FOXP2: variants seen among roughly 807,000 people sequenced by gnomAD.
FOXP2 encodes the protein forkhead box protein P2.
FOXP2 carries 12 observed loss-of-function variants against 115.8 expected under a neutral mutation model. The observed-to-expected ratio is 0.10, with a 90% CI of 0.07 to 0.17. FOXP2 has a LOEUF of 0.17. Among genes scored for constraint, FOXP2 ranks in the 10% least tolerant of loss-of-function variants. FOXP2 has a pLI of 1.00. For missense variants in FOXP2, 629 were observed against 843.5 expected, an observed-to-expected ratio of 0.75 and a Z score of 3.15; for synonymous variants, 328 against 297.7, an observed-to-expected ratio of 1.10 and a Z score of -1.05.
At chr7:114,640,637 T>C (rs1479873074) in intron 6 of FOXP2, among the ~76,000 whole-genome samples, 1 of 152,178 alleles carries the variant, frequency 6.6e-6, no homozygotes, top group Non-Finnish European at 1.5e-5. Flanking sequence ...CTCACCATCA[T>C]ATTCTGTTAT....
At chr7:114,132,582 T>TGTGTGTGAGA (rs1554419465) in intron 1 of FOXP2, among the ~76,000 whole-genome samples, 8 of 55,996 alleles carry the variant, frequency 1.4e-4, no homozygotes, top group African/African-American at 6.3e-4. Context: ...TGTGTGTGTG[T>TGTGTGTGAGA]GAGAGAGAGA....
chr7:114,506,519 C>G (rs1797826186), intron 2 of FOXP2, among the ~76,000 whole-genome samples: 1 of 151,518 alleles, frequency 6.6e-6, no homozygotes, highest in Non-Finnish European at 1.5e-5. Flanking sequence ...GTATTAATCA[C>G]TTTCATGTCA....
chr7:114,539,430 G>A (rs904446205), intron 3 of FOXP2, among the ~76,000 whole-genome samples: 1 of 151,568 alleles, frequency 6.6e-6, no homozygotes, highest in Non-Finnish European at 1.5e-5. Context: ...ATTGAGATAC[G>A]GGTTTAAATA....
chr7:114,249,370 G>A (rs565487502), intron 1 of FOXP2, among the ~76,000 whole-genome samples: 9 of 150,744 alleles, frequency 6.0e-5, no homozygotes, highest in Admixed American at 1.3e-4. Flanking sequence ...CTTCCCCCCC[G>A]TTCCCCCCAG....
At chr7:114,457,722 C>A (rs1424904840) in intron 2 of FOXP2, among the ~76,000 whole-genome samples, 1 of 151,914 alleles carries the variant, frequency 6.6e-6, no homozygotes, top group African/African-American at 2.4e-5. Context: ...CATGGTGAAA[C>A]CCCGTCTCTA....
chr7:114,641,072 A>G (rs1359182354), intron 6 of FOXP2, among the ~76,000 whole-genome samples: 1 of 152,208 alleles, frequency 6.6e-6, no homozygotes, highest in Admixed American at 6.5e-5. Flanking sequence ...TAGCAAATAT[A>G]CTCAAGCCAG....
At chr7:114,282,791 G>T (rs1040409027) in intron 1 of FOXP2, among the ~76,000 whole-genome samples, 7 of 152,106 alleles carry the variant, frequency 4.6e-5, no homozygotes, top group African/African-American at 1.7e-4. Flanking sequence ...AGCCTTTGCA[G>T]AAGTAGCTTT....
At chr7:114,581,195 T>G (rs1315752414) in intron 3 of FOXP2, among the ~76,000 whole-genome samples, 1 of 142,750 alleles carries the variant, frequency 7.0e-6, no homozygotes. Context: ...ATTTATTTAT[T>G]TATTTTGAGA....
intron 2 of FOXP2, among the ~76,000 whole-genome samples, chr7:114,323,660 T>C (rs1264949419): frequency 1.3e-5 from 2 of 152,042 alleles, no homozygotes; most frequent in African/African-American, 2.4e-5. Context: ...TCCTATAGAT[T>C]AGCCATTTGA....
At chr7:114,642,827 T>TTA (rs1805647117) in intron 7 of FOXP2, among the ~76,000 whole-genome samples, 1 of 118,246 alleles carries the variant, frequency 8.5e-6, no homozygotes. Flanking sequence ...TTTTTTTTTT[T>TTA]AGGCAGAGTC....
intron 2 of FOXP2, among the ~76,000 whole-genome samples, chr7:114,394,286 A>C (rs1792684548): frequency 6.6e-6 from 1 of 152,088 alleles, no homozygotes; most frequent in Non-Finnish European, 1.5e-5. Context: ...CCACTGATTA[A>C]ATTGGAGACA....
rs997606709 is a variant in FOXP2 at position 114,172,408 on chromosome 7, T to C, written c.-102+9320T>C. ...GATTTTTATGGTAGTGCAGCCATTC[T>C]CTATGATATTTTAATGTTGGACACA... On this transcript the variant is annotated intron_variant, in intron 1 of 17. Transcript: ENST00000634411. Among the ~76,000 whole-genome samples the C allele has an allele frequency of 4.6e-5, 7 of 152,190 alleles. 1 individual carries two copies. Among genetic ancestry groups the C allele is most frequent in the Admixed American group, 1.3e-4 (2 of 15,272 alleles).
chr7:114,672,677 A>T (rs1314359526), intron 16 of FOXP2, among the ~76,000 whole-genome samples: 1 of 152,220 alleles, frequency 6.6e-6, no homozygotes, highest in East Asian at 1.9e-4. Context: ...CTCAGGAGAA[A>T]GCCAGAGTTT....
chr7:114,280,124 A>AT (rs1189350302), intron 1 of FOXP2, among the ~76,000 whole-genome samples: 4 of 150,858 alleles, frequency 2.7e-5, no homozygotes, highest in East Asian at 1.9e-4. Flanking sequence ...AAATAAATAA[A>AT]AACAGGTGGT....
intron 2 of FOXP2, among the ~76,000 whole-genome samples, chr7:114,295,493 G>T (rs1010106634): frequency 6.6e-6 from 1 of 152,158 alleles, no homozygotes; most frequent in African/African-American, 2.4e-5. Flanking sequence ...ATTAGTAATT[G>T]TATGAAAATG....
chr7:114,226,711 G>T (rs1794756780), intron 1 of FOXP2, among the ~76,000 whole-genome samples: 2 of 151,368 alleles, frequency 1.3e-5, no homozygotes, highest in Admixed American at 1.3e-4. Context: ...CATTTTTTTT[G>T]GTCTGATAAG....
intron 2 of FOXP2, among the ~76,000 whole-genome samples, chr7:114,503,028 A>G (rs1797637236): frequency 6.6e-6 from 1 of 152,034 alleles, no homozygotes; most frequent in Non-Finnish European, 1.5e-5. Flanking sequence ...TAGAAAATCA[A>G]TAAACAACAG....
chr7:114,193,866 A>T (rs1273637441), intron 1 of FOXP2, among the ~76,000 whole-genome samples: 1 of 152,178 alleles, frequency 6.6e-6, no homozygotes, highest in African/African-American at 2.4e-5. Context: ...AAGTCACAAC[A>T]TTTAGTTAGC....
intron 2 of FOXP2, among the ~76,000 whole-genome samples, chr7:114,319,489 CA>C (rs1797359206): frequency 6.6e-6 from 1 of 152,188 alleles, no homozygotes; most frequent in African/African-American, 2.4e-5. Flanking sequence ...GGTGGCCTCA[CA>C]ATCATGGCGG....
Sources: allele counts gnomAD v4.1 joint callset (sites outside exome capture counted in the v4.1 genomes callset), GRCh38; gene constraint gnomAD v4.1.1; transcripts MANE v1.5; gene names NCBI Gene and HGNC (gene_info 2026-07-23, HGNC 2026-07-21).